The following PALM variants were observed in gnomAD, a reference collection of about 807,000 sequenced individuals.
The protein encoded by PALM is paralemmin, also known as paralemmin-1.
In PALM, 18 loss-of-function variants were observed where a neutral mutation model predicts 30.7. The ratio of observed to expected loss-of-function variants is 0.59; its 90% CI spans 0.41 to 0.87. The LOEUF is 0.87. Among genes scored for constraint, PALM ranks in the 40% least tolerant of loss-of-function variants. PALM has a pLI of 0.00. For missense variants in PALM, 529 were observed against 555.4 expected (o/e 0.95, Z 0.48); for synonymous variants, 286 against 242.8 (o/e 1.18, Z -1.66).
chr19:724,474 C>A (rs920399830), intron 1 of PALM, among the ~76,000 whole-genome samples: 2 of 152,046 alleles, frequency 1.3e-5, no homozygotes, highest in Non-Finnish European at 2.9e-5. Context: ...TGCCGACCAC[C>A]ACGCCTGGCT....
At chr19:734,392 T>C in intron 6 of PALM, 198 bp downstream of exon 6, 1 of 584,732 alleles carries the variant, frequency 1.7e-6, no homozygotes, top group Non-Finnish European at 3.0e-6. Context: ...AAACTCAGTG[T>C]CTACTGAAAA....
At chr19:710,669 C>T (rs1568216204) in intron 1 of PALM, among the ~76,000 whole-genome samples, 1 of 82,560 alleles carries the variant, frequency 1.2e-5, no homozygotes, top group Non-Finnish European at 2.3e-5. Flanking sequence ...CCCACCCCCC[C>T]TCCATCACAC....
Position 746,383 on chromosome 19 carries a change from A to C in PALM, c.733A>C (p.Ser245Arg). 1 of 1,613,212 alleles carries C rather than the reference A, an allele frequency of 6.2e-7. No homozygotes were observed. Among genetic ancestry groups the C allele is most frequent in the Non-Finnish European group, 8.5e-7 (1 of 1,179,836 alleles). The stretch of plus-strand genomic sequence containing the variant: ...CCACAAAGCGGACGAGGTCACGCTG[A>C]GCGAGGCAGGGTCCACGGCCGGGGC... Reference protein sequence around the residue: ...LIHKADEVTLSEAGSTAGAAE... With the variant: ...LIHKADEVTLREAGSTAGAAE... Residue 245 changes from serine (S) to arginine (R), a missense_variant, in exon 9 of 9, where the codon AGC becomes CGC. Transcript: ENST00000338448. The surrounding 1 kb of genome is among the most constrained non-coding windows in gnomAD (Gnocchi z 7.1).
At chr19:741,173 C>T (rs898333439) in intron 8 of PALM, among the ~76,000 whole-genome samples, 10 of 151,948 alleles carry the variant, frequency 6.6e-5, no homozygotes, top group African/African-American at 2.4e-4. Context: ...GAATTGCTAG[C>T]GTGACAGAAG....
rs777899675 is a variant in PALM, at chr19:746,478, G to A, written c.828G>A (p.Val276=). 4 of 1,610,622 alleles carry A rather than the reference G, an allele frequency of 2.5e-6. No homozygotes were observed. Among genetic ancestry groups the A allele is most frequent in the Non-Finnish European group, 3.4e-6 (4 of 1,178,696 alleles). Residue 276 remains valine, a synonymous_variant, in exon 9 of 9, where the codon GTG becomes GTA. Coordinates refer to ENST00000338448, the MANE Select transcript of PALM (RefSeq NM_002579.3). This position sits in a 1 kb window ranked among gnomAD's most constrained non-coding sequence, Gnocchi z 7.1. ...CCTCCCGGCGGGAGATCACCGGTGT[G>A]CAGGCACAGCCAGGCGAGGCCACGT... is the stretch of plus-strand genomic sequence containing the variant. ...TTPSRREITG[V]QAQPGEATSG...
intron 1 of PALM, among the ~76,000 whole-genome samples, chr19:712,571 G>C (rs1179022292): frequency 1.3e-5 from 2 of 150,826 alleles, no homozygotes; most frequent in African/African-American, 2.4e-5. Flanking sequence ...TTTTGGTAGA[G>C]ACAGGGTTTC....
chr19:722,193 C>T (rs976943122), intron 1 of PALM, among the ~76,000 whole-genome samples: 1 of 152,206 alleles, frequency 6.6e-6, no homozygotes, highest in Non-Finnish European at 1.5e-5. Context: ...GCTGGGATTA[C>T]AGGCGTGAGC....
chr19:745,830 G>A (rs1422515578), intron 8 of PALM, among the ~76,000 whole-genome samples: 4 of 152,074 alleles, frequency 2.6e-5, no homozygotes, highest in Non-Finnish European at 5.9e-5. Context: ...AGGCCAAGAC[G>A]GGCGGATCAC....
intron 1 of PALM, among the ~76,000 whole-genome samples, chr19:714,358 CTTT>C (rs34617281): frequency 9.6e-6 from 1 of 104,598 alleles, no homozygotes; most frequent in Admixed American, 1.1e-4. Context: ...TTTTTTCTTT[CTTT>C]TTTTTTTTTT....
At position 736,034 on chromosome 19, in the gene PALM, A is replaced by G. The variant is rs747841598; in HGVS notation, c.458A>G (p.Asn153Ser). 6.8e-6 allele frequency: 11 copies of G among 1,609,902 alleles called. No homozygotes were observed. Among genetic ancestry groups the G allele is most frequent in the South Asian group, 4.4e-5 (4 of 90,474 alleles). ...TCCCGTGCAGACAAGCGAGTCTCCA[A>G]CACGCCCCTGAGGACGGTTGACGGC... is the stretch of plus-strand genomic sequence containing the variant. ...VGTPKDKRVSNTPLRTVDGSP... is the reference protein window; with the variant it reads ...VGTPKDKRVSSTPLRTVDGSP... The change falls in exon 7 of 9, where the codon AAC (asparagine) becomes AGC (serine). Residue 153 changes from asparagine to serine, a missense_variant. Coordinates refer to ENST00000338448, the MANE Select transcript of PALM (RefSeq NM_002579.3).
chr19:726,718 G>T (rs1400528350), intron 2 of PALM, among the ~76,000 whole-genome samples: 1 of 152,218 alleles, frequency 6.6e-6, no homozygotes, highest in East Asian at 1.9e-4. Context: ...GGCCAGGCTG[G>T]TCTTGAACTC....
intron 4 of PALM, among the ~76,000 whole-genome samples, chr19:729,873 G>A (rs960368797): frequency 6.6e-6 from 1 of 152,218 alleles, no homozygotes; most frequent in African/African-American, 2.4e-5. Flanking sequence ...TCTGCAGAGA[G>A]GTGGATGGTC....
In PALM at chr19:731,260, G is replaced by C. The variant is rs773382717; in HGVS notation, c.420+15G>C. 6.3e-7 allele frequency: 1 copy of C among 1,589,584 alleles called. No homozygotes were observed. The highest frequency in any genetic ancestry group is 8.6e-7 in the Non-Finnish European group (1 of 1,169,166). ...ATTCACAGCAGGTAAGGGGGTGACT[G>C]GGGGGAGCGGATCCCCAGGCACCCA... On this transcript the variant is annotated intron_variant, in intron 5 of 8. Coordinates refer to ENST00000338448, the MANE Select transcript of PALM (RefSeq NM_002579.3).
chr19:711,232 A>T, intron 1 of PALM: 1 of 970,336 alleles, frequency 1.0e-6, no homozygotes, highest in Non-Finnish European at 1.2e-6. Flanking sequence ...GCTGGGGAGA[A>T]TCTCTGCTTC....
chr19:721,988 G>T (rs1478854137), intron 1 of PALM, among the ~76,000 whole-genome samples: 1 of 151,958 alleles, frequency 6.6e-6, no homozygotes, highest in Non-Finnish European at 1.5e-5. Context: ...GCGCAATCTC[G>T]GCTCACTGCA....
chr19:727,816 G>A, intron 4 of PALM, 122 bp downstream of exon 4: 1 of 922,472 alleles, frequency 1.1e-6, no homozygotes, highest in African/African-American at 1.7e-5. Context: ...GGACCGGGCA[G>A]GCCAGGACCC....
chr19:721,140 C>A (rs1442648090), intron 1 of PALM, among the ~76,000 whole-genome samples: 1 of 152,166 alleles, frequency 6.6e-6, no homozygotes, highest in African/African-American at 2.4e-5. Context: ...GGTGCATAGC[C>A]AGGGGGCCCT....
At chr19:713,603 C>A (rs1234424690) in intron 1 of PALM, among the ~76,000 whole-genome samples, 1 of 152,190 alleles carries the variant, frequency 6.6e-6, no homozygotes, top group Non-Finnish European at 1.5e-5. Context: ...TTGTTTGAGA[C>A]ACAGTCTCGC....
chr19:744,921 T>C (rs1442550899), intron 8 of PALM, among the ~76,000 whole-genome samples: 1 of 148,566 alleles, frequency 6.7e-6, no homozygotes, highest in Non-Finnish European at 1.5e-5. Context: ...GGCTCACGTG[T>C]GTAATCCCAG....
Sources: allele counts gnomAD v4.1 joint callset (sites outside exome capture counted in the v4.1 genomes callset), GRCh38; gene constraint gnomAD v4.1.1; non-coding constraint Gnocchi (gnomAD v3.1); transcripts MANE v1.5; gene names NCBI Gene and HGNC (gene_info 2026-07-23, HGNC 2026-07-21).